The following CAST variants were observed in gnomAD, a reference collection of about 807,000 sequenced individuals.
CAST encodes calpastatin.
CAST carries 76 observed loss-of-function variants against 119.6 expected under a neutral mutation model. That is an observed-to-expected ratio of 0.64 (90% CI 0.53 to 0.77). CAST has a LOEUF of 0.77. Ranked by LOEUF, CAST falls within the 30% of genes least tolerant of loss-of-function variation. CAST has a pLI of 0.00. For missense variants in CAST, 953 were observed against 946.5 expected (o/e 1.01, Z -0.09); for synonymous variants, 319 against 331.6 (o/e 0.96, Z 0.41).
chr5:96,693,258 G>C (rs561465900), intron 2 of CAST, among the ~76,000 whole-genome samples: 15 of 152,356 alleles, frequency 9.8e-5, no homozygotes, highest in African/African-American at 3.6e-4. Flanking sequence ...AGTTGAGGGA[G>C]CCTCCGTTAA....
At chr5:96,737,674 T>C (rs1156816684) in intron 10 of CAST, among the ~76,000 whole-genome samples, 175 bp from the exon 11 acceptor site, 1 of 152,242 alleles carries the variant, frequency 6.6e-6, no homozygotes, top group African/African-American at 2.4e-5. Context: ...ATTTGTACTT[T>C]GAGACTTAAA....
At chr5:96,344,833 A>G in the CAST span, among the ~76,000 whole-genome samples, 4 of 152,130 alleles carry the variant, frequency 2.6e-5, no homozygotes, top group South Asian at 2.1e-4. Flanking sequence ...TTATATTTCA[A>G]ATTTGTTTGC....
At chr5:96,066,330 A>G in the CAST span, among the ~76,000 whole-genome samples, 1 of 149,634 alleles carries the variant, frequency 6.7e-6, no homozygotes, top group African/African-American at 2.5e-5. Context: ...TCTTTTCCCC[A>G]TTGTCTCTGT....
the CAST span, chr5:95,961,441 C>T: frequency 8.6e-7 from 1 of 1,165,492 alleles, no homozygotes; most frequent in Non-Finnish European, 1.1e-6. Flanking sequence ...CCGGCCCTGC[C>T]CTGCCTGGCC....
At position 96,742,638 on chromosome 5, in the gene CAST, T is replaced by A. The variant is rs755954334; in HGVS notation, c.1099-17T>A. ...GAGATGTCTTTTTTCATGCACAGGATTTTTTACTTTTAACAGGATACAATG... is the reference window on the plus strand; with the variant it reads ...GAGATGTCTTTTTTCATGCACAGGAATTTTTACTTTTAACAGGATACAATG... On this transcript the variant is annotated splice_polypyrimidine_tract_variant and intron_variant, in intron 15 of 31. Coordinates refer to ENST00000675179, the MANE Select transcript of CAST (RefSeq NM_001750.7). 2 of 1,555,772 alleles carry A rather than the reference T, an allele frequency of 1.3e-6. No individual in the cohort carries two copies. The highest frequency in any genetic ancestry group is 1.8e-6 in the Non-Finnish European group (2 of 1,126,918).
At chr5:96,000,232 G>A in the CAST span, among the ~76,000 whole-genome samples, 1 of 151,796 alleles carries the variant, frequency 6.6e-6, no homozygotes, top group African/African-American at 2.4e-5. Flanking sequence ...GATATCTTTT[G>A]TAGTTACAAA....
intron 1 of CAST, among the ~76,000 whole-genome samples, chr5:96,614,627 A>C (rs1415478650): frequency 6.6e-6 from 1 of 152,224 alleles, no homozygotes; most frequent in African/African-American, 2.4e-5. Flanking sequence ...CCTGAAACAG[A>C]GTCCAAAGAT....
At chr5:96,130,683 C>G in the CAST span, among the ~76,000 whole-genome samples, 1 of 151,664 alleles carries the variant, frequency 6.6e-6, no homozygotes, top group African/African-American at 2.4e-5. Context: ...TAAAATATTA[C>G]AAATCGAAAA....
chr5:96,517,299 A>G, the CAST span, among the ~76,000 whole-genome samples: 1 of 152,216 alleles, frequency 6.6e-6, no homozygotes, highest in South Asian at 2.1e-4. Flanking sequence ...ATATTATTTC[A>G]CTTCATTTTC....
At chr5:95,973,819 A>AT in the CAST span, among the ~76,000 whole-genome samples, 1 of 152,172 alleles carries the variant, frequency 6.6e-6, no homozygotes, top group African/African-American at 2.4e-5. Context: ...CAGTCTTCTT[A>AT]TCCAAGCAAA....
At chr5:96,021,126 G>A in the CAST span, among the ~76,000 whole-genome samples, 1 of 152,064 alleles carries the variant, frequency 6.6e-6, no homozygotes, top group Non-Finnish European at 1.5e-5. Context: ...AATACAGAAT[G>A]TGCATCATCC....
chr5:96,046,850 G>A, the CAST span, among the ~76,000 whole-genome samples: 1 of 152,112 alleles, frequency 6.6e-6, no homozygotes, highest in Non-Finnish European at 1.5e-5. Flanking sequence ...GAAAAATGAG[G>A]AAGAAGCAAA....
At chr5:96,750,243 C>A (rs1269103768) in intron 19 of CAST, among the ~76,000 whole-genome samples, 1 of 152,050 alleles carries the variant, frequency 6.6e-6, no homozygotes, top group Non-Finnish European at 1.5e-5. Context: ...TAACTGTGTT[C>A]CCAGGTACTA....
the CAST span, among the ~76,000 whole-genome samples, chr5:96,007,510 G>A: frequency 1.3e-5 from 2 of 152,186 alleles, no homozygotes; most frequent in Non-Finnish European, 2.9e-5. Context: ...AACCTCCAAT[G>A]TGATGGTATC....
rs1438298402 is a variant in CAST at position 96,674,742 on chromosome 5, A to G, written c.76-797A>G. The stretch of plus-strand genomic sequence containing the variant: ...TATGAGGAATAAGATCTGTTGTTCT[A>G]TTGCACAGTAGGGTGACTACAGTTA... On this transcript the variant is annotated intron_variant, in intron 1 of 31. Coordinates refer to ENST00000675179, the MANE Select transcript of CAST (RefSeq NM_001750.7). Among the ~76,000 whole-genome samples the G allele has an allele frequency of 5.3e-5, 8 of 152,316 alleles. No homozygotes were observed. The East Asian group carries it at 1.2e-3, about 22-fold the overall frequency.
At chr5:95,992,952 T>G in the CAST span, among the ~76,000 whole-genome samples, 1 of 152,202 alleles carries the variant, frequency 6.6e-6, no homozygotes, top group Non-Finnish European at 1.5e-5. Flanking sequence ...TTAGACTTTT[T>G]GACATCAGTG....
chr5:96,061,138 A>G, the CAST span, among the ~76,000 whole-genome samples: 3 of 152,098 alleles, frequency 2.0e-5, no homozygotes, highest in African/African-American at 4.8e-5. Context: ...GGCTTCAACA[A>G]TTTTTGGAGG....
At position 96,534,714 on chromosome 5, in the gene CAST, G is replaced by GGAGAGAGA. The variant is rs1233360638; in HGVS notation, c.60+4855_60+4862dup. Reference sequence around the variant, plus strand: ...AGGAAGGAAGGAAGGAAGGAAGGAAGGAGAGAGAGAGAGAGAGAGAGAGAG... The same window carrying GGAGAGAGA: ...AGGAAGGAAGGAAGGAAGGAAGGAAGGAGAGAGAGAGAGAGAGAGAGAGAGAGAGAGAG... On this transcript the variant is annotated intron_variant, in intron 1 of 11. Coordinates refer to the CAST transcript ENST00000505143. Among the ~76,000 whole-genome samples, 9 of 13,994 alleles carry GGAGAGAGA rather than the reference G, an allele frequency of 6.4e-4. 1 individual carries two copies. The highest frequency in any genetic ancestry group is 1.3e-3 in the African/African-American group (7 of 5,500). 9.2% of individuals were successfully genotyped at this position (13,994 alleles called of 152,430 possible). A position where few individuals can be genotyped will look rare whatever the true frequency, so the allele number is the denominator to read the frequency against.
At chr5:96,374,210 C>CA in the CAST span, among the ~76,000 whole-genome samples, 3 of 152,046 alleles carry the variant, frequency 2.0e-5, no homozygotes, top group Non-Finnish European at 4.4e-5. Flanking sequence ...TTTTCCAATT[C>CA]AAAAAACAGG....
Sources: gnomAD v4.1 joint callset for allele counts (sites outside exome capture counted in the v4.1 genomes callset) on GRCh38, gnomAD v4.1.1 for gene constraint, MANE v1.5 for transcripts, NCBI Gene and HGNC (gene_info 2026-07-23, HGNC 2026-07-21) for gene names.